Variants in DNAH2 observed in about 807,000 individuals in gnomAD.
DNAH2 encodes the protein axonemal beta dynein heavy chain 2.
A neutral mutation model predicts 523.5 loss-of-function variants in DNAH2; 323 were observed. The ratio of observed to expected loss-of-function variants is 0.62; its 90% CI spans 0.56 to 0.68. DNAH2 has a LOEUF of 0.68. DNAH2 is among the 30% of genes least tolerant of loss of function. The probability of loss-of-function intolerance (pLI) is 0.00; values close to 1 mark genes in which losing one functional copy is unlikely to be tolerated. For missense variants in DNAH2, 4,907 were observed against 5,701.5 expected (o/e 0.86, Z 4.49); for synonymous variants, 2,093 against 2,177.4 (o/e 0.96, Z 1.08).
chr17:7,753,007 G>A (rs307622), intron 12 of DNAH2, among the ~76,000 whole-genome samples: 115,517 of 152,112 alleles, frequency 0.76, 44,881 homozygotes, highest in East Asian at 1. Flanking sequence ...GGCTTTCTTC[G>A]CGGGAGCATG....
intron 12 of DNAH2, chr17:7,743,368 A>C (rs780506387): frequency 1.4e-6 from 1 of 708,866 alleles, no homozygotes; most frequent in South Asian, 1.5e-5. Context: ...AAACACAACA[A>C]AACAAAACAA....
rs746688684 is a variant in DNAH2, at chr17:7,798,309, C to T, written c.8383C>T (p.Gln2795Ter). ...QIEVTKHYRK[Q>*]EFRDDIKRLY... Reference sequence around the variant, plus strand: ...CGAGGTCACCAAACATTATCGGAAGCAGGAGTTCCGAGATGGTACGGCTGG... The same window carrying T: ...CGAGGTCACCAAACATTATCGGAAGTAGGAGTTCCGAGATGGTACGGCTGG... The change falls in exon 54 of 86, where the codon CAG becomes TAG. Residue 2795 changes from glutamine to a stop codon, truncating the protein, a stop_gained. Transcript: ENST00000572933. LOFTEE classifies it high-confidence loss of function. The surrounding 1 kb of genome is among the most constrained non-coding windows in gnomAD (Gnocchi z 5.5). 8.1e-6 allele frequency: 13 copies of T among 1,611,144 alleles called. No homozygotes were observed. Among genetic ancestry groups the T allele is most frequent in the African/African-American group, 1.3e-5 (1 of 74,874 alleles).
chr17:7,754,523 C>G lies in DNAH2; in HGVS notation c.1905-2568C>G. On this transcript the variant is annotated intron_variant, in intron 12 of 85. Coordinates refer to ENST00000572933, the MANE Select transcript of DNAH2 (RefSeq NM_020877.5). This position sits in a 1 kb window ranked among gnomAD's most constrained non-coding sequence, Gnocchi z 4.6. ...AAGTTCCTGAGGAACATGCGCTTTG[C>G]CAAGAAGCACAAAAGAAGGGCCTAA... 9.8e-7 allele frequency: 1 copy of G among 1,021,648 alleles called. No homozygotes were observed. The highest frequency in any genetic ancestry group is 1.5e-6 in the Non-Finnish European group (1 of 674,112). The allele number at this position is 1,021,648 out of a possible 1,614,324, so 63.3% of individuals were successfully genotyped here.
chr17:7,735,212 C>A (rs1165845303), intron 7 of DNAH2, among the ~76,000 whole-genome samples: 1 of 152,026 alleles, frequency 6.6e-6, no homozygotes, highest in African/African-American at 2.4e-5. Context: ...CTCACTGCAA[C>A]CTCTGCCTCC....
rs199653202 is a variant in DNAH2 at position 7,830,313 on chromosome 17, A to G, written c.11867A>G (p.Asn3956Ser). 2 of 1,614,140 alleles carry G rather than the reference A, an allele frequency of 1.2e-6. No homozygotes were observed. The highest frequency in any genetic ancestry group is 2.2e-5 in the South Asian group (2 of 91,086). Residue 3956 changes from asparagine to serine, a missense_variant, in exon 78 of 86, where the codon AAC becomes AGC. Physicochemically the swap from Asn to Ser is conservative, Grantham distance 46. This residue lies in a region of DNAH2 where 1,851 missense variants were observed against 2,139.4 expected (regional missense o/e 0.87). Transcript: ENST00000572933. Reference sequence around the variant, plus strand: ...CATTGTCCCCAGGGCCTAAAGGCCAACATGACACGTCTTTACCAACTGATG... The same window carrying G: ...CATTGTCCCCAGGGCCTAAAGGCCAGCATGACACGTCTTTACCAACTGATG... Reference protein sequence around the residue: ...TTEPPKGLKANMTRLYQLMSE... With the variant: ...TTEPPKGLKASMTRLYQLMSE...
chr17:7,744,845 A>G (rs1465884233), intron 12 of DNAH2, among the ~76,000 whole-genome samples: 4 of 152,160 alleles, frequency 2.6e-5, no homozygotes, highest in Admixed American at 2.0e-4. Context: ...GGGTACCCCC[A>G]AAGTTATTGT....
intron 18 of DNAH2, among the ~76,000 whole-genome samples, chr17:7,761,578 G>A (rs1034709729): frequency 6.0e-5 from 9 of 150,738 alleles, no homozygotes; most frequent in Non-Finnish European, 4.4e-5. Context: ...TCTGCCTCCC[G>A]GGTTCAAGCA....
At chr17:7,795,988 A>G (rs2077050474) in intron 49 of DNAH2, among the ~76,000 whole-genome samples, 1 of 147,846 alleles carries the variant, frequency 6.8e-6, no homozygotes, top group African/African-American at 2.5e-5. Flanking sequence ...TATATAGTAT[A>G]TATATATATA....
At position 7,797,700 on chromosome 17, in the gene DNAH2, A is replaced by G. The variant is rs1012889430; in HGVS notation, c.8101A>G (p.Lys2701Glu). The G allele has an allele frequency of 6.2e-7, 1 of 1,614,076 alleles. No homozygotes were observed. Among genetic ancestry groups the G allele is most frequent in the African/African-American group, 1.3e-5 (1 of 74,920 alleles). The change falls in exon 53 of 86, where the codon AAG becomes GAG. Residue 2701 changes from lysine to glutamate, a missense_variant. Physicochemically the swap from Lys to Glu is moderately conservative, Grantham distance 56 (BLOSUM62 1). Coordinates refer to ENST00000572933, the MANE Select transcript of DNAH2 (RefSeq NM_020877.5). The part of the protein sequence containing the change: ...PIFGDFLKEP[K>E]VYEDLTDLTV... ...CTCAGGGGATTTCCTGAAGGAGCCC[A>G]AGGTGTATGAAGACCTCACGGATCT...
chr17:7,824,452 AC>A, intron 76 of DNAH2, 84 bp from the exon 77 acceptor site: 4 of 1,371,468 alleles, frequency 2.9e-6, no homozygotes, highest in South Asian at 1.7e-5. Context: ...CCCCCCCAGC[AC>A]CCCCACCCCA....
intron 2 of DNAH2, 23 bp downstream of exon 2, chr17:7,719,923 G>T (rs2074546897): frequency 2.0e-6 from 3 of 1,488,260 alleles, no homozygotes; most frequent in African/African-American, 2.8e-5. Context: ...TGGGGCAGAG[G>T]ATGCTTAGCA....
rs751620859 is a variant in DNAH2 at position 7,787,891 on chromosome 17, C to T, written c.6635C>T (p.Ala2212Val). ...CTCCTGTTTGAAGTGGAGGACCTGG[C>T]AATGGCCTCTCCGGCCACTGTATCC... ...VSLLFEVEDL[A>V]MASPATVSRC... Residue 2212 changes from alanine to valine, a missense_variant, in exon 43 of 86, where the codon GCA (alanine) becomes GTA (valine). This residue lies in a region of DNAH2 where 2,806 missense variants were observed against 3,190.8 expected (regional missense o/e 0.88). Coordinates refer to ENST00000572933, the MANE Select transcript of DNAH2 (RefSeq NM_020877.5). The T allele has an allele frequency of 6.2e-7, 1 of 1,614,088 alleles. No homozygotes were observed. The highest frequency in any genetic ancestry group is 1.3e-5 in the African/African-American group (1 of 75,052).
chr17:7,793,204 G>A lies in DNAH2; in HGVS notation c.7568G>A (p.Arg2523Gln), dbSNP rs749633489. ...DRTKQTIKYI[R>Q]EMFLMAAMGP... ...ACGAAGCAGACCATCAAGTACATTCGAGTAAGCCTCGCTAGAGTCTGTTCT... is the reference window on the plus strand; with the variant it reads ...ACGAAGCAGACCATCAAGTACATTCAAGTAAGCCTCGCTAGAGTCTGTTCT... Residue 2523 changes from arginine (R) to glutamine (Q), a missense_variant and splice_region_variant, in exon 48 of 86, where the codon CGA becomes CAA. Arg to Gln is a conservative substitution (Grantham distance 43). This residue lies in a region of DNAH2 where 250 missense variants were observed against 371.3 expected (regional missense o/e 0.67). Coordinates refer to ENST00000572933, the MANE Select transcript of DNAH2 (RefSeq NM_020877.5). The A allele has an allele frequency of 5.6e-6, 9 of 1,612,940 alleles. No homozygotes were observed. Among genetic ancestry groups the A allele is most frequent in the East Asian group, 2.2e-5 (1 of 44,842 alleles).
chr17:7,740,319 G>A, intron 9 of DNAH2, 101 bp from the exon 10 acceptor site: 1 of 1,538,120 alleles, frequency 6.5e-7, no homozygotes, highest in Non-Finnish European at 8.8e-7. Context: ...TGGCACACAG[G>A]AAGCCCTCTG....
In DNAH2 at chr17:7,817,673, C is replaced by T. The variant is rs1164586040; in HGVS notation, c.10133C>T (p.Ser3378Phe). The T allele has an allele frequency of 8.1e-6, 13 of 1,614,154 alleles. No individual in the cohort carries two copies. Among genetic ancestry groups the T allele is most frequent in the South Asian group, 1.1e-5 (1 of 91,086 alleles). ...NIQGLPSDAFSTENGIIVTRG... is the reference protein window; with the variant it reads ...NIQGLPSDAFFTENGIIVTRG... Reference sequence around the variant, plus strand: ...CAAGGGTTGCCCTCAGACGCCTTCTCCACTGAGAATGGCATCATCGTCACC... The same window carrying T: ...CAAGGGTTGCCCTCAGACGCCTTCTTCACTGAGAATGGCATCATCGTCACC... Residue 3378 changes from serine to phenylalanine, a missense_variant, in exon 66 of 86, where the codon TCC becomes TTC. Around this residue, in one of 3 missense-constraint regions of DNAH2, gnomAD observed 1,851 missense variants for 2,139.4 expected, o/e 0.87. Transcript: ENST00000572933.
intron 78 of DNAH2, 50 bp from the exon 79 acceptor site, chr17:7,830,607 AT>A (rs1210378820): frequency 6.2e-6 from 10 of 1,610,282 alleles, no homozygotes; most frequent in Non-Finnish European, 8.5e-6. Context: ...CCATTGGCAG[AT>A]TTCCTGCCAT....
chr17:7,751,566 TG>T (rs2075683950), intron 12 of DNAH2, among the ~76,000 whole-genome samples: 1 of 152,232 alleles, frequency 6.6e-6, no homozygotes, highest in African/African-American at 2.4e-5. Flanking sequence ...TTTTTCCTGA[TG>T]GCTAGAGCCA....
rs369740416 is a variant in DNAH2, at chr17:7,786,858, G to T, written c.6467-39G>T. 5 of 1,613,828 alleles carry T rather than the reference G, an allele frequency of 3.1e-6. No homozygotes were observed. Among genetic ancestry groups the T allele is most frequent in the Non-Finnish European group, 4.2e-6 (5 of 1,179,738 alleles). On this transcript the variant is annotated intron_variant, in intron 41 of 85. Transcript: ENST00000572933. This position sits in a 1 kb window ranked among gnomAD's most constrained non-coding sequence, Gnocchi z 7.5. ...AGCGTGAGCGGAGGGTGCAAGGTGAGCGGCTCCCCGGTTTCCTCATCACCC... is the reference window on the plus strand; with the variant it reads ...AGCGTGAGCGGAGGGTGCAAGGTGATCGGCTCCCCGGTTTCCTCATCACCC...
chr17:7,719,360 C>T (rs1295795502), intron 1 of DNAH2, among the ~76,000 whole-genome samples: 1 of 152,112 alleles, frequency 6.6e-6, no homozygotes, highest in Non-Finnish European at 1.5e-5. Flanking sequence ...AACTCCTGAC[C>T]TCAGGTGATC....
Sources: gnomAD v4.1 joint callset for allele counts (sites outside exome capture counted in the v4.1 genomes callset) on GRCh38, gnomAD v4.1.1 for gene constraint, gnomAD v4.1.1 regional missense constraint, Gnocchi (gnomAD v3.1) non-coding constraint, MANE v1.5 for transcripts, NCBI Gene and HGNC (gene_info 2026-07-23, HGNC 2026-07-21) for gene names.